Variants in TBL1Y observed in about 807,000 individuals in gnomAD.
TBL1Y encodes the protein F-box-like/WD repeat-containing protein TBL1Y.
Under a neutral mutation model 12.0 loss-of-function variants are expected in TBL1Y, and 15 were observed. That is an observed-to-expected ratio of 1.25 (90% CI 0.83 to 1.92). The LOEUF is 1.92. Among genes scored for constraint, TBL1Y ranks in the 40% most tolerant of loss-of-function variants. TBL1Y has a pLI of 0.00. For synonymous variants in TBL1Y, 53 were observed against 42.6 expected, an observed-to-expected ratio of 1.24 and a Z score of -0.95; for missense variants, 148 against 116.7, an observed-to-expected ratio of 1.27 and a Z score of -1.24.
chrY:7,016,282 C>A (rs781773075), intron 4 of TBL1Y, among the ~76,000 whole-genome samples: 1 of 32,199 alleles, frequency 3.1e-5, no homozygotes, highest in African/African-American at 1.2e-4. Flanking sequence ...GCCAGTAGTA[C>A]CTCCACTTCC....
chrY:6,956,162 A>C (rs2124112817), intron 2 of TBL1Y, among the ~76,000 whole-genome samples: 1 of 33,253 alleles, frequency 3.0e-5, no homozygotes, highest in African/African-American at 1.2e-4. Flanking sequence ...AACAATATCA[A>C]CCTGGGGATC....
intron 2 of TBL1Y, among the ~76,000 whole-genome samples, chrY:6,953,324 G>A: frequency 3.0e-5 from 1 of 33,696 alleles, no homozygotes; most frequent in Non-Finnish European, 7.3e-5. Context: ...CCAATCAGAC[G>A]TAGATTTGGT....
At chrY:7,009,889 G>A (rs2124144625) in intron 4 of TBL1Y, among the ~76,000 whole-genome samples, 2 of 31,957 alleles carry the variant, frequency 6.3e-5, no homozygotes, top group Non-Finnish European at 1.5e-4. Context: ...TATAAAATTA[G>A]GCATGGTGGT....
chrY:7,002,305 C>T, intron 4 of TBL1Y, among the ~76,000 whole-genome samples: 1 of 33,872 alleles, frequency 3.0e-5, no homozygotes, highest in African/African-American at 1.2e-4. Context: ...AACAGTGTAA[C>T]ATGGGTTGGA....
At chrY:6,977,646 T>A in intron 2 of TBL1Y, among the ~76,000 whole-genome samples, 1 of 33,195 alleles carries the variant, frequency 3.0e-5, no homozygotes, top group Non-Finnish European at 7.4e-5. Context: ...ATTTCCACTC[T>A]TGGTAAAGGT....
chrY:6,914,540 AC>A (rs2011721582), intron 2 of TBL1Y, among the ~76,000 whole-genome samples: 1 of 30,862 alleles, frequency 3.2e-5, no homozygotes, highest in Non-Finnish European at 7.7e-5. Context: ...AAAAAAAAAA[AC>A]ATTAGCTGAG....
At chrY:6,947,145 C>G in intron 2 of TBL1Y, among the ~76,000 whole-genome samples, 6 of 33,155 alleles carry the variant, frequency 1.8e-4, no homozygotes, top group Admixed American at 1.4e-3. Flanking sequence ...GAAAATGAGT[C>G]TCTGGGCTCA....
At chrY:7,013,287 C>T (rs893570977) in intron 4 of TBL1Y, among the ~76,000 whole-genome samples, 1 of 33,537 alleles carries the variant, frequency 3.0e-5, no homozygotes, top group Admixed American at 2.7e-4. Flanking sequence ...GAATAGGTTA[C>T]CTTCCTAGTC....
intron 3 of TBL1Y, among the ~76,000 whole-genome samples, chrY:6,988,770 T>G: frequency 3.0e-5 from 1 of 33,319 alleles, no homozygotes; most frequent in East Asian, 7.7e-4. Context: ...CATTTGAATC[T>G]GCCCATCAGT....
At chrY:7,036,160 A>G in intron 6 of TBL1Y, among the ~76,000 whole-genome samples, 1 of 33,155 alleles carries the variant, frequency 3.0e-5, no homozygotes, top group African/African-American at 1.2e-4. Flanking sequence ...AGTTTTATTC[A>G]GTTTCTTATC....
At chrY:7,063,128 CAG>C (rs2012898081) in intron 7 of TBL1Y, among the ~76,000 whole-genome samples, 1 of 33,593 alleles carries the variant, frequency 3.0e-5, no homozygotes, top group Non-Finnish European at 7.4e-5. Context: ...GACTTCTCAC[CAG>C]AGAGAGTCAG....
At chrY:7,063,719 A>C (rs2012919849) in intron 7 of TBL1Y, among the ~76,000 whole-genome samples, 178 bp from the exon 8 acceptor site, 1 of 33,468 alleles carries the variant, frequency 3.0e-5, no homozygotes, top group Non-Finnish European at 7.4e-5. Flanking sequence ...TTCTTTGAAA[A>C]GAAATTTAGA....
intron 3 of TBL1Y, among the ~76,000 whole-genome samples, chrY:6,978,912 A>G: frequency 3.1e-5 from 1 of 32,253 alleles, no homozygotes; most frequent in African/African-American, 1.2e-4. Context: ...GTTGTACAAC[A>G]GTGCACTATT....
chrY:7,034,958 A>G (rs2124158257), intron 6 of TBL1Y, among the ~76,000 whole-genome samples: 1 of 33,697 alleles, frequency 3.0e-5, no homozygotes, highest in African/African-American at 1.2e-4. Context: ...AAGCCAAGAT[A>G]GACAAATAGG....
chrY:7,024,447 T>A (rs912836556), intron 5 of TBL1Y, among the ~76,000 whole-genome samples: 2 of 33,857 alleles, frequency 5.9e-5, no homozygotes, highest in Admixed American at 2.7e-4. Context: ...CTAACTGGTG[T>A]GAGATGGTAT....
At chrY:6,997,012 G>C in intron 4 of TBL1Y, among the ~76,000 whole-genome samples, 2 of 33,779 alleles carry the variant, frequency 5.9e-5, no homozygotes, top group South Asian at 1.3e-3. Flanking sequence ...AATTCTGTTA[G>C]ATAAGGTAAA....
intron 6 of TBL1Y, among the ~76,000 whole-genome samples, chrY:7,025,605 G>A: frequency 6.0e-5 from 2 of 33,175 alleles, no homozygotes; most frequent in Non-Finnish European, 1.5e-4. Flanking sequence ...CATCACCCTC[G>A]TCTCTTGTGT....
intron 4 of TBL1Y, among the ~76,000 whole-genome samples, chrY:7,013,401 A>G: frequency 8.9e-5 from 3 of 33,884 alleles, no homozygotes; most frequent in African/African-American, 3.4e-4. Context: ...GTGTGGTCCA[A>G]CCCTAGCCAA....
At chrY:6,994,917 C>T (rs993523227) in intron 3 of TBL1Y, among the ~76,000 whole-genome samples, 1 of 33,645 alleles carries the variant, frequency 3.0e-5, no homozygotes, top group Admixed American at 2.7e-4. Context: ...GCTATAGCAA[C>T]GTTGCCACCA....
Sources: gnomAD v4.1 joint callset for allele counts (sites outside exome capture counted in the v4.1 genomes callset) on GRCh38, gnomAD v4.1.1 for gene constraint, MANE v1.5 for transcripts, NCBI Gene and HGNC (gene_info 2026-07-23, HGNC 2026-07-21) for gene names.